PCSK5: variants seen among roughly 807,000 people sequenced by gnomAD.
The protein encoded by PCSK5 is proprotein convertase subtilisin/kexin type 5, also known as prohormone convertase 5.
A neutral mutation model predicts 233.2 loss-of-function variants in PCSK5; 129 were observed. That is an observed-to-expected ratio of 0.55 (90% CI 0.48 to 0.64). The LOEUF is 0.64. PCSK5 is among the 30% of genes least tolerant of loss of function. PCSK5 has a pLI of 0.00. For missense variants in PCSK5, 2,076 were observed against 2,430.1 expected (o/e 0.85, Z 3.06); for synonymous variants, 825 against 879.2 (o/e 0.94, Z 1.09).
chr9:76,070,318 C>G (rs925209954), intron 6 of PCSK5, among the ~76,000 whole-genome samples: 6 of 152,160 alleles, frequency 3.9e-5, no homozygotes, highest in Admixed American at 1.3e-4. Context: ...TTTAATGGAA[C>G]TTGTTCACAG....
intron 36 of PCSK5, among the ~76,000 whole-genome samples, chr9:76,351,516 GA>G (rs755236149): frequency 8.2e-4 from 93 of 112,864 alleles, no homozygotes; most frequent in East Asian, 2.0e-3. Flanking sequence ...AAGAAAGAAA[GA>G]AAGAAAGAAA....
intron 1 of PCSK5, among the ~76,000 whole-genome samples, chr9:75,903,211 T>C (rs1826116325): frequency 6.6e-6 from 1 of 152,174 alleles, no homozygotes; most frequent in African/African-American, 2.4e-5. Flanking sequence ...GGAATACAGA[T>C]AAGTTTTAAA....
At chr9:76,016,608 G>A (rs759536084) in intron 3 of PCSK5, among the ~76,000 whole-genome samples, 1 of 152,160 alleles carries the variant, frequency 6.6e-6, no homozygotes, top group Non-Finnish European at 1.5e-5. Flanking sequence ...GTAATATAGT[G>A]GAAACCAGTT....
chr9:76,326,886 A>G (rs1336811956), intron 32 of PCSK5, among the ~76,000 whole-genome samples: 1 of 152,180 alleles, frequency 6.6e-6, no homozygotes, highest in East Asian at 1.9e-4. Context: ...GAGATGTCTT[A>G]GATTTCATTG....
chr9:76,099,508 C>G (rs559458108), intron 8 of PCSK5, among the ~76,000 whole-genome samples: 26 of 152,124 alleles, frequency 1.7e-4, no homozygotes, highest in Non-Finnish European at 2.9e-4. Flanking sequence ...CCTATCGCAC[C>G]TCAGTTTTTC....
intron 1 of PCSK5, among the ~76,000 whole-genome samples, chr9:75,931,616 G>T (rs900082568): frequency 1.3e-5 from 2 of 152,166 alleles, no homozygotes; most frequent in African/African-American, 2.4e-5. Context: ...GTTGGTTGAG[G>T]TTTTGCTAGT....
At chr9:76,071,958 G>T in intron 7 of PCSK5, 60 bp downstream of exon 7, 1 of 1,475,232 alleles carries the variant, frequency 6.8e-7, no homozygotes, top group South Asian at 1.3e-5. Context: ...CTCATATGAA[G>T]AATCTATGGG....
chr9:76,034,868 A>C (rs1828793829), intron 5 of PCSK5, among the ~76,000 whole-genome samples: 1 of 152,188 alleles, frequency 6.6e-6, no homozygotes, highest in East Asian at 1.9e-4. Context: ...ACTGACCTTG[A>C]TTGGTTCATC....
At chr9:76,245,256 A>G (rs1826552934) in intron 24 of PCSK5, among the ~76,000 whole-genome samples, 1 of 152,214 alleles carries the variant, frequency 6.6e-6, no homozygotes. Context: ...ACTTAGAAAG[A>G]GATCATGAAA....
chr9:76,233,520 C>A lies in PCSK5; in HGVS notation c.2790C>A (p.Asn930Lys). The A allele has an allele frequency of 6.2e-7, 1 of 1,612,622 alleles. No individual in the cohort carries two copies. The highest frequency in any genetic ancestry group is 8.5e-7 in the Non-Finnish European group (1 of 1,179,754). The stretch of plus-strand genomic sequence containing the variant: ...CCTCATGGAAATTTGAATTTGAGAA[C>A]CAATGCCATCCATGCCACCACACCT... ...NCPSWKFEFENQCHPCHHTCQ... is the reference protein window; with the variant it reads ...NCPSWKFEFEKQCHPCHHTCQ... Residue 930 changes from asparagine (N) to lysine (K), a missense_variant, in exon 22 of 38, where the codon AAC becomes AAA. By Grantham distance (94) the Asn-to-Lys change is moderately conservative. Coordinates refer to ENST00000674117, the MANE Select transcript of PCSK5 (RefSeq NM_001372043.1).
chr9:76,137,724 A>G lies in PCSK5; in HGVS notation c.1312+3512A>G, dbSNP rs190751439. On this transcript the variant is annotated intron_variant, in intron 10 of 37. Coordinates refer to ENST00000674117, the MANE Select transcript of PCSK5 (RefSeq NM_001372043.1). ...TCTACTTTAGATTGCCCATGAGAAT[A>G]GGGAATTATTTGCCTTAGACCAGAT... Among the ~76,000 whole-genome samples the G allele has an allele frequency of 8.7e-4, 132 of 152,220 alleles. 1 individual carries two copies. The highest frequency in any genetic ancestry group is 2.8e-3 in the African/African-American group (118 of 41,564).
chr9:76,161,897 G>A (rs967045187), intron 12 of PCSK5, among the ~76,000 whole-genome samples: 1 of 152,120 alleles, frequency 6.6e-6, no homozygotes, highest in Non-Finnish European at 1.5e-5. Flanking sequence ...CTCCTATAGC[G>A]CACCTCAGTC....
intron 7 of PCSK5, among the ~76,000 whole-genome samples, chr9:76,073,846 A>C (rs540780679): frequency 4.5e-4 from 69 of 152,160 alleles, no homozygotes; most frequent in Non-Finnish European, 9.0e-4. Context: ...GGAGTCTTTC[A>C]TTCAGTGGAA....
chr9:75,932,333 A>G (rs1823845759), intron 1 of PCSK5, 46 bp from the exon 2 acceptor site: 2 of 1,179,926 alleles, frequency 1.7e-6, no homozygotes, highest in African/African-American at 3.1e-5. Context: ...GTTTTCACAC[A>G]TTAATGTCTT....
At chr9:75,989,174 T>G (rs79853200) in intron 3 of PCSK5, among the ~76,000 whole-genome samples, 2,159 of 152,282 alleles carry the variant, frequency 0.014, 58 homozygotes, top group African/African-American at 0.049. Flanking sequence ...ATTGCTTCAC[T>G]TAGAATCTCC....
At position 76,039,025 on chromosome 9, in the gene PCSK5, G is replaced by A. The variant is rs146223718; in HGVS notation, c.632+11988G>A. ...TACCAATTTCACTGTTACATTTGTAGGTGTGTTCATATTTGTTGAAATCTT... is the reference window on the plus strand; with the variant it reads ...TACCAATTTCACTGTTACATTTGTAAGTGTGTTCATATTTGTTGAAATCTT... On this transcript the variant is annotated intron_variant, in intron 5 of 37. Coordinates refer to ENST00000674117, the MANE Select transcript of PCSK5 (RefSeq NM_001372043.1). Among the ~76,000 whole-genome samples, 3 of 152,314 alleles carry A rather than the reference G, an allele frequency of 2.0e-5. No homozygotes were observed. The East Asian group carries it at 5.8e-4, about 29-fold the overall frequency.
At position 76,238,349 on chromosome 9, in the gene PCSK5, A is replaced by G. The variant is rs554163724; in HGVS notation, c.2867-610A>G. Among the ~76,000 whole-genome samples the G allele has an allele frequency of 4.6e-5, 7 of 152,334 alleles. No individual in the cohort carries two copies. In the South Asian group the frequency reaches 1.2e-3, roughly 27 times the overall value. On this transcript the variant is annotated intron_variant, in intron 22 of 37. Transcript: ENST00000674117. The stretch of plus-strand genomic sequence containing the variant: ...GCTGATTCTTTCCTTATAGAATCCA[A>G]TGTTGACAAAAGTCAGGAACCCTCA...
chr9:76,023,899 T>A lies in PCSK5; in HGVS notation c.555+18T>A. ...AAAACTACGTGAGTGTATGCTGTGG[T>A]TAGAAGGTCTTTCCTTCTGGGAAAC... is the stretch of plus-strand genomic sequence containing the variant. On this transcript the variant is annotated intron_variant, in intron 4 of 37. Transcript: ENST00000674117. The A allele has an allele frequency of 6.3e-7, 1 of 1,580,570 alleles. No individual in the cohort carries two copies. Among genetic ancestry groups the A allele is most frequent in the Non-Finnish European group, 8.6e-7 (1 of 1,163,648 alleles).
At position 76,034,123 on chromosome 9, in the gene PCSK5, A is replaced by G. The variant is rs118107375; in HGVS notation, c.632+7086A>G. 9.6e-3 allele frequency among the ~76,000 whole-genome samples: 1,460 copies of G among 152,222 alleles called. 6 individuals are homozygous for G. The highest frequency in any genetic ancestry group is 0.058 in the Middle Eastern group (17 of 294). On this transcript the variant is annotated intron_variant, in intron 5 of 37. Transcript: ENST00000674117. ...GGCCTCCCACGGAAAATTGCGGTGT[A>G]ATAGGAAAAGCCTTCTTTCACCCCA...
Sources: gnomAD v4.1 joint callset for allele counts (sites outside exome capture counted in the v4.1 genomes callset) on GRCh38, gnomAD v4.1.1 for gene constraint, MANE v1.5 for transcripts, NCBI Gene and HGNC (gene_info 2026-07-23, HGNC 2026-07-21) for gene names.